Variants in PLEKHO1 observed in about 807,000 individuals in gnomAD.
The protein encoded by PLEKHO1 is pleckstrin homology domain-containing family O member 1.
A neutral mutation model predicts 41.4 loss-of-function variants in PLEKHO1; 22 were observed. The ratio of observed to expected loss-of-function variants is 0.53; its 90% CI spans 0.38 to 0.76. The LOEUF (loss-of-function observed/expected upper bound fraction) is 0.76. PLEKHO1 is among the 30% of genes least tolerant of loss of function. PLEKHO1 has a pLI of 0.00. For missense variants in PLEKHO1, 488 were observed against 518.3 expected (o/e 0.94, Z 0.57); for synonymous variants, 225 against 210.8 (o/e 1.07, Z -0.58).
chr1:150,159,758 A>C lies in PLEKHO1; in HGVS notation c.*235A>C. The C allele has an allele frequency of 2.2e-6, 1 of 447,998 alleles. No individual in the cohort carries two copies. The highest frequency in any genetic ancestry group is 3.4e-5 in the East Asian group (1 of 29,658). 27.8% of individuals were successfully genotyped at this position (447,998 alleles called of 1,614,324 possible). A position where few individuals can be genotyped will look rare whatever the true frequency, so the allele number is the denominator to read the frequency against. ...CAGCAGTAGCAGGAAGTTTTTACCC[A>C]GCCAGAGAGAGAGAAGGCACGGTAA... On this transcript the variant is annotated 3_prime_UTR_variant, in exon 6 of 6. Transcript: ENST00000369124.
chr1:150,158,787 G>T, intron 5 of PLEKHO1, 32 bp from the exon 6 acceptor site: 1 of 1,461,596 alleles, frequency 6.8e-7, no homozygotes, highest in Non-Finnish European at 9.4e-7. Context: ...CCTGATGACA[G>T]GTTCCCCACT....
chr1:150,159,465 C>T lies in PLEKHO1; in HGVS notation c.1172C>T (p.Pro391Leu), dbSNP rs61752306. 31 of 1,613,784 alleles carry T rather than the reference C, an allele frequency of 1.9e-5. No homozygotes were observed. Among genetic ancestry groups the T allele is most frequent in the African/African-American group, 5.3e-5 (4 of 74,882 alleles). The change falls in exon 6 of 6, where the codon CCG becomes CTG. Residue 391 changes from proline to leucine, a missense_variant. By Grantham distance (98) the Pro-to-Leu change is moderately conservative. Around this residue, in one of 3 missense-constraint regions of PLEKHO1, gnomAD observed 337 missense variants for 324.6 expected, o/e 1.04. Transcript: ENST00000369124. ...DLYRQMDLQT[P>L]DSHLRQTTPH... ...TACAGACAGATGGACCTGCAGACCCCGGACTCCCACCTCAGACAGACCACC... is the reference window on the plus strand; with the variant it reads ...TACAGACAGATGGACCTGCAGACCCTGGACTCCCACCTCAGACAGACCACC...
intron 3 of PLEKHO1, among the ~76,000 whole-genome samples, chr1:150,156,431 A>G (rs888516155): frequency 6.6e-6 from 1 of 152,040 alleles, no homozygotes; most frequent in Non-Finnish European, 1.5e-5. Context: ...CTCTCTATAT[A>G]TCTCTTTATT....
chr1:150,155,786 AAG>A (rs780379074), intron 2 of PLEKHO1: 5 of 325,830 alleles, frequency 1.5e-5, no homozygotes, highest in Non-Finnish European at 2.2e-5. Context: ...GCGGTTGGTG[AAG>A]AGAGGCATAG....
In PLEKHO1 at chr1:150,158,807, C is replaced by G. The variant is rs782581696; in HGVS notation, c.526-12C>G. The G allele has an allele frequency of 5.7e-6, 9 of 1,573,674 alleles. No homozygotes were observed. The Admixed American group carries it at 7.0e-5, about 12-fold the overall frequency. The stretch of plus-strand genomic sequence containing the variant: ...TGACAGGTTCCCCACTCATTCCCCC[C>G]TTCCTCCACAGGCTTCCACCTCTAC... On this transcript the variant is annotated splice_polypyrimidine_tract_variant and intron_variant, in intron 5 of 5. Transcript: ENST00000369124.
At chr1:150,152,367 A>G (rs1659971352) in intron 2 of PLEKHO1, among the ~76,000 whole-genome samples, 2 of 152,152 alleles carry the variant, frequency 1.3e-5, no homozygotes, top group African/African-American at 2.4e-5. Context: ...CAGTGGCTCA[A>G]TCACAGCTCA....
chr1:150,156,880 C>A, intron 3 of PLEKHO1, 31 bp from the exon 4 acceptor site: 1 of 1,351,294 alleles, frequency 7.4e-7, no homozygotes, highest in Non-Finnish European at 1.1e-6. Context: ...CCTCTAAAAC[C>A]CTGGCTGAAA....
intron 2 of PLEKHO1, chr1:150,154,831 G>A (rs1660100209): frequency 6.6e-6 from 1 of 152,172 alleles, no homozygotes; most frequent in Non-Finnish European, 1.5e-5. Context: ...TCCAACCCTG[G>A]GCTCAAGCCA....
chr1:150,155,824 C>A, intron 2 of PLEKHO1: 1 of 402,280 alleles, frequency 2.5e-6, no homozygotes, highest in African/African-American at 2.0e-5. Context: ...GGCAGCCTGG[C>A]TAAGGAGAGT....
intron 2 of PLEKHO1, 119 bp downstream of exon 2, chr1:150,151,177 C>T: frequency 9.7e-7 from 1 of 1,027,934 alleles, no homozygotes; most frequent in East Asian, 2.4e-5. Flanking sequence ...CAGTGGTCTC[C>T]TCTCTACCCC....
At chr1:150,158,425 C>T (rs1474677570) in intron 5 of PLEKHO1, among the ~76,000 whole-genome samples, 2 of 152,156 alleles carry the variant, frequency 1.3e-5, no homozygotes, top group Non-Finnish European at 2.9e-5. Context: ...GGGGCTCACA[C>T]CTGTAATCCC....
Position 150,159,490 on chromosome 1 carries a change from C to A in PLEKHO1, c.1197C>A (p.Thr399=). The part of the protein sequence containing the change: ...QTPDSHLRQT[T]PHSQYRKSLM ...CGGACTCCCACCTCAGACAGACCACCCCGCACAGTCAGTACCGGAAGAGCC... is the reference window on the plus strand; with the variant it reads ...CGGACTCCCACCTCAGACAGACCACACCGCACAGTCAGTACCGGAAGAGCC... The change falls in exon 6 of 6, where the codon ACC becomes ACA. Residue 399 remains threonine, a synonymous_variant. Transcript: ENST00000369124. The A allele has an allele frequency of 1.2e-6, 2 of 1,612,364 alleles. No homozygotes were observed. Among genetic ancestry groups the A allele is most frequent in the Non-Finnish European group, 1.7e-6 (2 of 1,178,910 alleles).
rs781800628 is a variant in PLEKHO1 at position 150,150,252 on chromosome 1, C to G, written c.-6C>G. On this transcript the variant is annotated 5_prime_UTR_variant, in exon 1 of 6. Coordinates refer to ENST00000369124, the MANE Select transcript of PLEKHO1 (RefSeq NM_016274.6). ...GCTCGCCGCCCCGCGCCCGCGCCCG[C>G]TGGGAATGATGAAGAAGAACAATTC... 9.1e-7 allele frequency: 1 copy of G among 1,102,382 alleles called. No homozygotes were observed. The highest frequency in any genetic ancestry group is 1.1e-6 in the Non-Finnish European group (1 of 899,052). 68.3% of individuals were successfully genotyped at this position (1,102,382 alleles called of 1,614,324 possible).
rs761717893 is a variant in PLEKHO1 at position 150,151,947 on chromosome 1, A to G, written c.177+889A>G. Among the ~76,000 whole-genome samples, 58 of 152,158 alleles carry G rather than the reference A, an allele frequency of 3.8e-4. 1 individual carries two copies. Among genetic ancestry groups the G allele is most frequent in the Admixed American group, 7.2e-4 (11 of 15,284 alleles). On this transcript the variant is annotated intron_variant, in intron 2 of 5. Coordinates refer to ENST00000369124, the MANE Select transcript of PLEKHO1 (RefSeq NM_016274.6). ...CCTGCCTCTGTGACTGTCCAAAGGC[A>G]GTCAGTATAGCCTGGAAGACTGTCC...
chr1:150,156,279 C>A (rs1253545872), intron 3 of PLEKHO1, 73 bp downstream of exon 3: 1 of 1,248,222 alleles, frequency 8.0e-7, no homozygotes, highest in African/African-American at 1.5e-5. Context: ...ACTCCTTCCC[C>A]TCAGTTTCTC....
rs587630951 is a variant in PLEKHO1 at position 150,156,934 on chromosome 1, A to C, written c.342A>C (p.Ala114=). The change falls in exon 4 of 6, where the codon GCA becomes GCC. Residue 114 remains alanine, a synonymous_variant. Coordinates refer to ENST00000369124, the MANE Select transcript of PLEKHO1 (RefSeq NM_016274.6). ...GNTAPNLIFL[A]VSPEEKESWI... Reference sequence around the variant, plus strand: ...AGGCACCCAACCTGATCTTCCTGGCAGTGAGTCCAGAAGAGAAGGAATCGT... The same window carrying C: ...AGGCACCCAACCTGATCTTCCTGGCCGTGAGTCCAGAAGAGAAGGAATCGT... The C allele has an allele frequency of 1.2e-6, 2 of 1,613,288 alleles. No individual in the cohort carries two copies. Among genetic ancestry groups the C allele is most frequent in the Admixed American group, 1.7e-5 (1 of 60,024 alleles).
Position 150,157,442 on chromosome 1 carries a change from C to A in PLEKHO1, c.481C>A (p.Gln161Lys), listed in dbSNP as rs782808349. ...TCCCACTCGAGACAGGGCAAAAATC[C>A]AGCACTCCCGCCGCCCCCCAACAAG... ...AHPTRDRAKI[Q>K]HSRRPPTRGH... is the part of the protein sequence containing the mutation. Residue 161 changes from glutamine (Q) to lysine (K), a missense_variant, in exon 5 of 6, where the codon CAG becomes AAG. Physicochemically the swap from Gln to Lys is moderately conservative, Grantham distance 53. Around this residue, in one of 3 missense-constraint regions of PLEKHO1, gnomAD observed 337 missense variants for 324.6 expected, o/e 1.04. Transcript: ENST00000369124. 4 of 1,613,958 alleles carry A rather than the reference C, an allele frequency of 2.5e-6. No individual in the cohort carries two copies. In the Admixed American group the frequency reaches 6.7e-5, roughly 27 times the overall value.
At chr1:150,150,700 G>C (rs7518016) in intron 1 of PLEKHO1, 3 of 544,406 alleles carry the variant, frequency 5.5e-6, no homozygotes, top group Admixed American at 6.4e-5. Flanking sequence ...TTGCAGCCCC[G>C]GTTGTTTATT....
At chr1:150,152,419 C>T (rs587641433) in intron 2 of PLEKHO1, among the ~76,000 whole-genome samples, 1 of 152,278 alleles carries the variant, frequency 6.6e-6, no homozygotes, top group African/African-American at 2.4e-5. Context: ...CCTCCCACCT[C>T]ATCCTTGGAG....
Sources: gnomAD v4.1 joint callset for allele counts (sites outside exome capture counted in the v4.1 genomes callset) on GRCh38, gnomAD v4.1.1 for gene constraint, gnomAD v4.1.1 regional missense constraint, MANE v1.5 for transcripts, NCBI Gene and HGNC (gene_info 2026-07-23, HGNC 2026-07-21) for gene names.